The following SEMA3A variants were observed in gnomAD, a reference collection of about 807,000 sequenced individuals.
SEMA3A encodes semaphorin 3A.
In SEMA3A, 29 loss-of-function variants were observed where a neutral mutation model predicts 97.9. The ratio of observed to expected loss-of-function variants is 0.30; its 90% confidence interval spans 0.22 to 0.40. The LOEUF (loss-of-function observed/expected upper bound fraction) is 0.40. Among genes scored for constraint, SEMA3A ranks in the 10% least tolerant of loss-of-function variants. SEMA3A has a pLI of 1.00. For missense variants in SEMA3A, 763 were observed against 951.3 expected (o/e 0.80, Z 2.60); for synonymous variants, 321 against 323.7 (o/e 0.99, Z 0.09).
chr7:84,377,787 C>T (rs1803145235), intron 1 of SEMA3A, among the ~76,000 whole-genome samples: 1 of 151,822 alleles, frequency 6.6e-6, no homozygotes, highest in African/African-American at 2.4e-5. Context: ...TGGAGGTGTC[C>T]CAGGGAGAGG....
At chr7:83,974,648 T>C (rs1288953652) in intron 15 of SEMA3A, among the ~76,000 whole-genome samples, 1 of 152,118 alleles carries the variant, frequency 6.6e-6, no homozygotes, top group Non-Finnish European at 1.5e-5. Flanking sequence ...TGACGTCAAC[T>C]ATTCCAAAAT....
intron 4 of SEMA3A, among the ~76,000 whole-genome samples, chr7:84,076,753 G>A (rs1185032140): frequency 6.6e-6 from 1 of 152,090 alleles, no homozygotes; most frequent in African/African-American, 2.4e-5. Flanking sequence ...TGAAAAGTTA[G>A]TATCATGTTA....
At chr7:84,473,388 TATA>T (rs1376906588) in intron 1 of SEMA3A, among the ~76,000 whole-genome samples, 2 of 148,364 alleles carry the variant, frequency 1.3e-5, no homozygotes, top group African/African-American at 4.9e-5. Context: ...TTATTATTAT[TATA>T]ATATTATTAT....
At chr7:84,304,465 C>A (rs961037217) in intron 3 of SEMA3A, among the ~76,000 whole-genome samples, 1 of 151,904 alleles carries the variant, frequency 6.6e-6, no homozygotes, top group African/African-American at 2.4e-5. Context: ...AGACTTTACT[C>A]AATCATTAAA....
chr7:84,055,289 G>A (rs985703440), intron 5 of SEMA3A, among the ~76,000 whole-genome samples: 16 of 152,094 alleles, frequency 1.1e-4, no homozygotes, highest in Admixed American at 3.3e-4. Context: ...AATGGCGGGC[G>A]CCCCTCCCCC....
At chr7:84,436,745 G>T (rs762480901) in intron 1 of SEMA3A, among the ~76,000 whole-genome samples, 4 of 152,074 alleles carry the variant, frequency 2.6e-5, no homozygotes, top group Non-Finnish European at 4.4e-5. Context: ...TTGGTGGTAA[G>T]TCTGAACATA....
At chr7:84,103,913 A>T (rs1795031752) in intron 4 of SEMA3A, among the ~76,000 whole-genome samples, 1 of 152,232 alleles carries the variant, frequency 6.6e-6, no homozygotes, top group East Asian at 1.9e-4. Flanking sequence ...GGCTTTTATG[A>T]ATAGAAATTT....
chr7:84,468,195 T>TC (rs1441154426), intron 1 of SEMA3A, among the ~76,000 whole-genome samples: 44 of 152,130 alleles, frequency 2.9e-4, no homozygotes, highest in Non-Finnish European at 5.9e-4. Flanking sequence ...AACACTCTCT[T>TC]CCCCCCACAT....
intron 3 of SEMA3A, among the ~76,000 whole-genome samples, chr7:84,256,257 T>C (rs923632658): frequency 3.9e-5 from 6 of 152,116 alleles, no homozygotes. Flanking sequence ...ATGTAGTACC[T>C]ATAGATGTAC....
chr7:84,271,459 C>T, intron 3 of SEMA3A, among the ~76,000 whole-genome samples: 1 of 152,090 alleles, frequency 6.6e-6, no homozygotes, highest in African/African-American at 2.4e-5. Context: ...AGAATAGCCT[C>T]CCTCAGGTCA....
At chr7:84,278,337 T>C (rs1017397695) in intron 3 of SEMA3A, among the ~76,000 whole-genome samples, 4 of 152,100 alleles carry the variant, frequency 2.6e-5, no homozygotes, top group African/African-American at 9.7e-5. Flanking sequence ...ATTGAGTCTC[T>C]TAGAAGTTCC....
chr7:84,258,768 A>C (rs1191832477), intron 3 of SEMA3A, among the ~76,000 whole-genome samples: 1 of 152,196 alleles, frequency 6.6e-6, no homozygotes, highest in Non-Finnish European at 1.5e-5. Flanking sequence ...TGCAATCAAA[A>C]TTATAGCCCA....
At chr7:84,089,474 A>C (rs1478658566) in intron 4 of SEMA3A, among the ~76,000 whole-genome samples, 1 of 151,782 alleles carries the variant, frequency 6.6e-6, no homozygotes, top group Non-Finnish European at 1.5e-5. Context: ...AGGAGTGTTA[A>C]AATTATTGAT....
At chr7:84,090,934 G>A (rs188412133) in intron 4 of SEMA3A, among the ~76,000 whole-genome samples, 338 of 151,286 alleles carry the variant, frequency 2.2e-3, no homozygotes, top group African/African-American at 7.9e-3. Context: ...GGGCGTGGTG[G>A]CTCATGCTTG....
chr7:84,090,484 G>A (rs1301729788), intron 4 of SEMA3A, among the ~76,000 whole-genome samples: 1 of 151,974 alleles, frequency 6.6e-6, no homozygotes, highest in African/African-American at 2.4e-5. Context: ...TCTCTGCAAG[G>A]AGGAAAGAGT....
At chr7:84,032,668 T>C (rs1376782423) in intron 6 of SEMA3A, among the ~76,000 whole-genome samples, 1 of 152,072 alleles carries the variant, frequency 6.6e-6, no homozygotes, top group Non-Finnish European at 1.5e-5. Flanking sequence ...AAAGATCTTA[T>C]TATCCTTTAA....
chr7:84,191,926 C>G (rs968470921), intron 1 of SEMA3A, among the ~76,000 whole-genome samples: 1 of 151,752 alleles, frequency 6.6e-6, no homozygotes. Context: ...TATGTACACC[C>G]GCTACAAAGG....
intron 15 of SEMA3A, among the ~76,000 whole-genome samples, chr7:83,968,804 C>CTTTTTTTTTTTTTTTTTTTTTT (rs34837012): frequency 3.4e-5 from 3 of 86,986 alleles, no homozygotes; most frequent in African/African-American, 5.0e-5. Context: ...CTTTTCTTTC[C>CTTTTTTTTTTTTTTTTTTTTTT]TTTTTTTTTT....
chr7:84,429,307 C>CTAG lies in SEMA3A; in HGVS notation c.-245-57410_-245-57408dup, dbSNP rs1442016684. Among the ~76,000 whole-genome samples, 4 of 151,358 alleles carry CTAG rather than the reference C, an allele frequency of 2.6e-5. No homozygotes were observed. In the East Asian group the frequency reaches 7.8e-4, roughly 30 times the overall value. ...CCTATACAGATACTTCAAAATTGAACTAGTACGACATCTCCAATTTTCCTA... is the reference window on the plus strand; with the variant it reads ...CCTATACAGATACTTCAAAATTGAACTAGTAGTACGACATCTCCAATTTTCCTA... On this transcript the variant is annotated intron_variant, in intron 1 of 3. Transcript: ENST00000424555.
Sources: gnomAD v4.1 joint callset for allele counts (sites outside exome capture counted in the v4.1 genomes callset) on GRCh38, gnomAD v4.1.1 for gene constraint, MANE v1.5 for transcripts, NCBI Gene and HGNC (gene_info 2026-07-23, HGNC 2026-07-21) for gene names.